The following VPS41 variants were observed in gnomAD, a reference collection of about 807,000 sequenced individuals.
The protein encoded by VPS41 is VPS41 subunit of HOPS complex.
VPS41 carries 85 observed loss-of-function variants against 130.9 expected under a neutral mutation model. The observed-to-expected ratio is 0.65, with a 90% CI of 0.55 to 0.78. The LOEUF is 0.78. Among genes scored for constraint, VPS41 ranks in the 30% least tolerant of loss-of-function variants. The pLI is 0.00. For synonymous variants in VPS41, 335 were observed against 332.9 expected (o/e 1.01, Z -0.07); for missense variants, 874 against 1,018.7 (o/e 0.86, Z 1.93).
chr7:38,754,508 A>G (rs1268851602), intron 21 of VPS41, among the ~76,000 whole-genome samples, 194 bp downstream of exon 21: 1 of 152,210 alleles, frequency 6.6e-6, no homozygotes, highest in African/African-American at 2.4e-5. Flanking sequence ...CTGATCTACA[A>G]TTAATCCCTG....
chr7:38,774,013 G>T, intron 12 of VPS41, 102 bp downstream of exon 12: 1 of 1,208,860 alleles, frequency 8.3e-7, no homozygotes, highest in Non-Finnish European at 1.1e-6. Context: ...ATTCTCTTAA[G>T]ATTCTTTCAG....
At chr7:38,809,114 G>A (rs1784890277) in intron 7 of VPS41, among the ~76,000 whole-genome samples, 1 of 152,058 alleles carries the variant, frequency 6.6e-6, no homozygotes, top group South Asian at 2.1e-4. Context: ...ATGTTAATTA[G>A]CTTGAACGTG....
At chr7:38,794,443 C>A (rs189477408) in intron 9 of VPS41, among the ~76,000 whole-genome samples, 1 of 152,294 alleles carries the variant, frequency 6.6e-6, no homozygotes, top group Non-Finnish European at 1.5e-5. Flanking sequence ...TTTCCCTTTC[C>A]AGAGAAGAGT....
At chr7:38,890,291 C>T (rs910633521) in intron 2 of VPS41, among the ~76,000 whole-genome samples, 6 of 152,154 alleles carry the variant, frequency 3.9e-5, no homozygotes, top group Non-Finnish European at 7.3e-5. Context: ...CCAAAGGTTA[C>T]GCTCTATATG....
intron 2 of VPS41, among the ~76,000 whole-genome samples, chr7:38,890,794 TC>T (rs1463515429): frequency 6.6e-6 from 1 of 151,950 alleles, no homozygotes; most frequent in Non-Finnish European, 1.5e-5. Flanking sequence ...GAAGTGATCC[TC>T]CCACCTCAGC....
chr7:38,894,887 C>T (rs1786948123), intron 2 of VPS41, among the ~76,000 whole-genome samples: 1 of 152,194 alleles, frequency 6.6e-6, no homozygotes, highest in African/African-American at 2.4e-5. Flanking sequence ...GCAATCAAGC[C>T]ACATTTGGGT....
rs746882251 is a variant in VPS41 at position 38,758,383 on chromosome 7, G to A, written c.1521C>T (p.Asn507=). The change falls in exon 18 of 29, where the codon AAC becomes AAT. Residue 507 remains asparagine (N), a synonymous_variant. Transcript: ENST00000310301. ...CTGCCAGGGTTTTAAGTAAAGTCTT[G>A]TTCTGACTATCTTTCTTCAAATGAT... The part of the protein sequence containing the change: ...VRDHLKKDSQ[N]KTLLKTLAEL... 28 of 1,612,978 alleles carry A rather than the reference G, an allele frequency of 1.7e-5. No homozygotes were observed. Among genetic ancestry groups the A allele is most frequent in the Non-Finnish European group, 2.3e-5 (27 of 1,179,618 alleles).
chr7:38,862,721 A>G lies in VPS41; in HGVS notation c.169-99T>C, dbSNP rs1032452511. 32 of 662,640 alleles carry G rather than the reference A, an allele frequency of 4.8e-5. No individual in the cohort carries two copies. In the African/African-American group the frequency reaches 5.5e-4, roughly 11 times the overall value. 41.0% of individuals were successfully genotyped at this position (662,640 alleles called of 1,614,324 possible). A position where few individuals can be genotyped will look rare whatever the true frequency, so the allele number is the denominator to read the frequency against. On this transcript the variant is annotated intron_variant, in intron 3 of 28. Transcript: ENST00000310301. The stretch of plus-strand genomic sequence containing the variant: ...TTAAAGACAAGATGCTTAATGCATA[A>G]ATGATCTGCAATGTCTCAAAAGATA...
At chr7:38,785,017 T>C (rs1368358099) in intron 10 of VPS41, among the ~76,000 whole-genome samples, 1 of 152,210 alleles carries the variant, frequency 6.6e-6, no homozygotes, top group South Asian at 2.1e-4. Flanking sequence ...AATTTACAAA[T>C]AAGAACAATT....
At chr7:38,792,028 C>T (rs7812184) in intron 9 of VPS41, among the ~76,000 whole-genome samples, 1 of 152,008 alleles carries the variant, frequency 6.6e-6, no homozygotes, top group Non-Finnish European at 1.5e-5. Context: ...GCCAGACTGC[C>T]TGGCCAGAGC....
intron 3 of VPS41, among the ~76,000 whole-genome samples, chr7:38,868,581 A>C (rs1201071917): frequency 6.6e-6 from 1 of 152,312 alleles, no homozygotes; most frequent in Middle Eastern, 3.4e-3. Context: ...TGGTCCAAGA[A>C]TAGGCTAACG....
chr7:38,898,304 T>C (rs986549747), intron 1 of VPS41, among the ~76,000 whole-genome samples, 175 bp from the exon 2 acceptor site: 3 of 152,176 alleles, frequency 2.0e-5, no homozygotes, highest in Admixed American at 1.3e-4. Flanking sequence ...CTGCAACTTC[T>C]CCACACCCTG....
chr7:38,798,502 A>C lies in VPS41; in HGVS notation c.451-1638T>G, dbSNP rs1422543217. Among the ~76,000 whole-genome samples the C allele has an allele frequency of 4.6e-5, 7 of 152,266 alleles. No homozygotes were observed. The East Asian group carries it at 1.4e-3, about 30-fold the overall frequency. On this transcript the variant is annotated intron_variant, in intron 7 of 28. Coordinates refer to ENST00000310301, the MANE Select transcript of VPS41 (RefSeq NM_014396.4). ...GAGACGGGGTTTCACCATGTTGGCC[A>C]GACTGGTCTCGAACTCCTGACCTCA...
intron 22 of VPS41, among the ~76,000 whole-genome samples, chr7:38,749,624 A>C (rs1404030179): frequency 1.3e-5 from 2 of 152,190 alleles, no homozygotes; most frequent in Non-Finnish European, 2.9e-5. Context: ...TTATAATTTC[A>C]AAGTTCTCAA....
intron 4 of VPS41, among the ~76,000 whole-genome samples, chr7:38,832,323 T>C (rs953898379): frequency 1.8e-4 from 27 of 145,956 alleles, no homozygotes; most frequent in South Asian, 1.1e-3. Context: ...TTCTTTCTTT[T>C]TTTTTTTTTT....
intron 25 of VPS41, among the ~76,000 whole-genome samples, chr7:38,735,920 C>A (rs923762732): frequency 5.9e-5 from 9 of 151,970 alleles, no homozygotes; most frequent in Non-Finnish European, 1.3e-4. Context: ...AGGAACAGGG[C>A]AGGGGAGGGA....
chr7:38,795,028 A>G (rs1446768039), intron 9 of VPS41, among the ~76,000 whole-genome samples: 1 of 152,146 alleles, frequency 6.6e-6, no homozygotes. Context: ...AATTATTACC[A>G]AGCAGCAGGA....
intron 6 of VPS41, among the ~76,000 whole-genome samples, chr7:38,819,584 CA>C (rs1422350614): frequency 6.6e-6 from 1 of 152,124 alleles, no homozygotes; most frequent in Non-Finnish European, 1.5e-5. Flanking sequence ...CCAGTAACTT[CA>C]AAATCACCAC....
intron 2 of VPS41, among the ~76,000 whole-genome samples, chr7:38,893,683 C>T (rs1022700696): frequency 6.6e-6 from 1 of 152,122 alleles, no homozygotes; most frequent in Admixed American, 6.5e-5. Flanking sequence ...AATGCAGGAC[C>T]CTTAACTATG....
Sources: gnomAD v4.1 joint callset for allele counts (sites outside exome capture counted in the v4.1 genomes callset) on GRCh38, gnomAD v4.1.1 for gene constraint, MANE v1.5 for transcripts, NCBI Gene and HGNC (gene_info 2026-07-23, HGNC 2026-07-21) for gene names.